The following E2F3 variants were observed in gnomAD, a reference collection of about 807,000 sequenced individuals.
E2F3 encodes the protein transcription factor E2F3.
A neutral mutation model predicts 44.4 loss-of-function variants in E2F3; 11 were observed. The ratio of observed to expected loss-of-function variants is 0.25; its 90% CI spans 0.16 to 0.41. E2F3 has a LOEUF of 0.41. E2F3 is among the 10% of genes least tolerant of loss of function. The pLI is 1.00. For synonymous variants in E2F3, 249 were observed against 253.0 expected, an observed-to-expected ratio of 0.98 and a Z score of 0.15; for missense variants, 487 against 583.6, an observed-to-expected ratio of 0.83 and a Z score of 1.70.
chr6:20,446,885 A>G (rs1760963390), intron 1 of E2F3, among the ~76,000 whole-genome samples: 1 of 152,162 alleles, frequency 6.6e-6, no homozygotes, highest in South Asian at 2.1e-4. Context: ...TTTTGATGGG[A>G]TGGATGGTTC....
chr6:20,416,240 T>C (rs895920963), intron 1 of E2F3, among the ~76,000 whole-genome samples: 1 of 152,234 alleles, frequency 6.6e-6, no homozygotes, highest in African/African-American at 2.4e-5. Context: ...AGCCATTCCC[T>C]TTGTTGCTGG....
At chr6:20,454,437 ACAG>A (rs971624725) in intron 1 of E2F3, among the ~76,000 whole-genome samples, 3 of 152,236 alleles carry the variant, frequency 2.0e-5, no homozygotes, top group African/African-American at 7.2e-5. Context: ...ATGTAGACTC[ACAG>A]CAGGAAGTGA....
intron 1 of E2F3, among the ~76,000 whole-genome samples, chr6:20,462,859 C>CTCTCTT (rs1761564604): frequency 4.1e-5 from 2 of 48,810 alleles, no homozygotes; most frequent in African/African-American, 1.6e-4. Flanking sequence ...CTCTCTCTCT[C>CTCTCTT]TTTTTTTTTT....
At chr6:20,418,189 G>T (rs936300800) in intron 1 of E2F3, among the ~76,000 whole-genome samples, 1 of 152,194 alleles carries the variant, frequency 6.6e-6, no homozygotes, top group Non-Finnish European at 1.5e-5. Context: ...GGGGACCGAC[G>T]TGTGGGCCTC....
At chr6:20,466,499 T>C (rs973275161) in intron 1 of E2F3, among the ~76,000 whole-genome samples, 4 of 152,324 alleles carry the variant, frequency 2.6e-5, no homozygotes, top group Non-Finnish European at 5.9e-5. Context: ...TCCCTGATCA[T>C]TAGTGATGCT....
chr6:20,452,607 T>C, intron 1 of E2F3: 1 of 152,168 alleles, frequency 6.6e-6, no homozygotes, highest in East Asian at 1.9e-4. Context: ...TAGATTTGCA[T>C]ACCTTTTTTA....
chr6:20,435,709 C>T (rs1371246754), intron 1 of E2F3, among the ~76,000 whole-genome samples: 1 of 152,018 alleles, frequency 6.6e-6, no homozygotes, highest in African/African-American at 2.4e-5. Context: ...CGAGATTGTG[C>T]CACTGCACTC....
intron 6 of E2F3, 126 bp downstream of exon 6, chr6:20,488,374 A>G: frequency 1.7e-6 from 2 of 1,165,042 alleles, no homozygotes; most frequent in South Asian, 4.1e-5. Flanking sequence ...AACATGTTTT[A>G]AAAGACATTC....
At position 20,493,313 on chromosome 6, in the gene E2F3, A is replaced by G; in HGVS notation, c.*2883A>G. 1 of 224,260 alleles carries G rather than the reference A, an allele frequency of 4.5e-6. No homozygotes were observed. The allele number at this position is 224,260 out of a possible 1,614,324, so 13.9% of individuals were successfully genotyped here. Reference sequence around the variant, plus strand: ...AGTATTTAAAGCTTAAGCTTTCAGGAAAAAGAAAATAAGAATTCAGTGTGT... The same window carrying G: ...AGTATTTAAAGCTTAAGCTTTCAGGGAAAAGAAAATAAGAATTCAGTGTGT... On this transcript the variant is annotated 3_prime_UTR_variant, in exon 7 of 7. Transcript: ENST00000346618.
At chr6:20,484,877 T>C (rs949895117) in intron 4 of E2F3, among the ~76,000 whole-genome samples, 9 of 148,290 alleles carry the variant, frequency 6.1e-5, no homozygotes, top group Non-Finnish European at 1.0e-4. Context: ...CACTTGAACC[T>C]GGGAGACAGA....
chr6:20,412,375 T>C (rs1259702268), intron 1 of E2F3, among the ~76,000 whole-genome samples: 1 of 152,080 alleles, frequency 6.6e-6, no homozygotes, highest in Admixed American at 6.5e-5. Context: ...TGGATTTTTT[T>C]TCTTTTTTTA....
intron 1 of E2F3, among the ~76,000 whole-genome samples, chr6:20,448,076 A>G (rs1161753818): frequency 6.6e-6 from 1 of 152,206 alleles, no homozygotes; most frequent in Non-Finnish European, 1.5e-5. Context: ...GGGGATTGAT[A>G]TGAAAGGTTT....
At chr6:20,460,016 A>C (rs1188659930) in intron 1 of E2F3, among the ~76,000 whole-genome samples, 1 of 152,206 alleles carries the variant, frequency 6.6e-6, no homozygotes, top group Non-Finnish European at 1.5e-5. Flanking sequence ...TAATCCTAAA[A>C]TCTGGGGGTT....
intron 1 of E2F3, among the ~76,000 whole-genome samples, chr6:20,407,139 C>T (rs922508137): frequency 6.6e-6 from 1 of 152,108 alleles, no homozygotes; most frequent in Non-Finnish European, 1.5e-5. Context: ...AAGAAAAGTG[C>T]CGGGTTCCTG....
Position 20,486,628 on chromosome 6 carries a change from G to T in E2F3, c.885-61G>T, listed in dbSNP as rs958011523. ...TTAAAATATTCCATGCATCTATTTT[G>T]TCATTTTCATCATACTTATATCTGA... On this transcript the variant is annotated intron_variant, in intron 4 of 6. Coordinates refer to ENST00000346618, the MANE Select transcript of E2F3 (RefSeq NM_001949.5). 3.2e-6 allele frequency: 3 copies of T among 932,200 alleles called. No homozygotes were observed. In the African/African-American group the frequency reaches 5.0e-5, roughly 15 times the overall value. 57.7% of individuals were successfully genotyped at this position (932,200 alleles called of 1,614,324 possible). A position where few individuals can be genotyped will look rare whatever the true frequency, so the allele number is the denominator to read the frequency against.
intron 1 of E2F3, among the ~76,000 whole-genome samples, chr6:20,411,682 CACCTT>C (rs1759678551): frequency 6.6e-6 from 1 of 152,190 alleles, no homozygotes; most frequent in Non-Finnish European, 1.5e-5. Context: ...TCTCCCTCTC[CACCTT>C]ACTCCTTTTG....
chr6:20,481,173 C>T (rs759628539), intron 2 of E2F3, 33 bp from the exon 3 acceptor site: 1 of 1,602,706 alleles, frequency 6.2e-7, no homozygotes, highest in South Asian at 1.1e-5. Flanking sequence ...TTCCCCCTAT[C>T]CCCCACCCGC....
At chr6:20,416,470 A>G (rs1243854840) in intron 1 of E2F3, among the ~76,000 whole-genome samples, 1 of 152,222 alleles carries the variant, frequency 6.6e-6, no homozygotes, top group Non-Finnish European at 1.5e-5. Context: ...CACATCATAA[A>G]TACCCTGGTC....
intron 1 of E2F3, among the ~76,000 whole-genome samples, chr6:20,467,761 C>A (rs1761761013): frequency 1.3e-5 from 2 of 151,946 alleles, no homozygotes; most frequent in African/African-American, 4.8e-5. Context: ...TTGTTTTTTT[C>A]TTATTAGTTC....
Sources: gnomAD v4.1 joint callset for allele counts (sites outside exome capture counted in the v4.1 genomes callset) on GRCh38, gnomAD v4.1.1 for gene constraint, MANE v1.5 for transcripts, NCBI Gene and HGNC (gene_info 2026-07-23, HGNC 2026-07-21) for gene names.